The following PTPRR variants were observed in gnomAD, a reference collection of about 807,000 sequenced individuals.
PTPRR encodes the protein protein tyrosine phosphatase receptor type R.
PTPRR carries 38 observed loss-of-function variants against 77.2 expected under a neutral mutation model. The ratio of observed to expected loss-of-function variants is 0.49; its 90% CI spans 0.38 to 0.65. The LOEUF (loss-of-function observed/expected upper bound fraction) is 0.65. Among genes scored for constraint, PTPRR ranks in the 30% least tolerant of loss-of-function variants. The pLI is 0.00. For missense variants in PTPRR, 744 were observed against 799.2 expected (o/e 0.93, Z 0.83); for synonymous variants, 299 against 283.1 (o/e 1.06, Z -0.57).
intron 2 of PTPRR, among the ~76,000 whole-genome samples, chr12:70,885,997 C>G (rs1893233923): frequency 6.6e-6 from 1 of 152,142 alleles, no homozygotes; most frequent in Non-Finnish European, 1.5e-5. Flanking sequence ...TCAATTAAAC[C>G]AGCTCTCTTA....
chr12:70,666,027 T>C (rs921228239), intron 10 of PTPRR, among the ~76,000 whole-genome samples: 4 of 152,208 alleles, frequency 2.6e-5, no homozygotes, highest in African/African-American at 9.7e-5. Context: ...TCCGATGGAA[T>C]ATTACTGACA....
chr12:70,866,023 A>G (rs771216617), intron 2 of PTPRR, among the ~76,000 whole-genome samples: 3 of 152,098 alleles, frequency 2.0e-5, no homozygotes, highest in Non-Finnish European at 4.4e-5. Context: ...TCTCTGGGAC[A>G]CATTCAAAGC....
chr12:70,684,749 A>G lies in PTPRR; in HGVS notation c.1314T>C (p.Asn438=), dbSNP rs1887797219. Residue 438 remains asparagine (N), a synonymous_variant, in exon 9 of 14, where the codon AAT becomes AAC. Coordinates refer to ENST00000283228, the MANE Select transcript of PTPRR (RefSeq NM_002849.4). ...PLSRVCLRPK[N]VTDSLSTYIN... ...TGTAGGTGCTCAATGAATCGGTTAC[A>G]TTTTTTGGTCTTAAACACACTCTGC... 1 of 1,607,460 alleles carries G rather than the reference A, an allele frequency of 6.2e-7. No homozygotes were observed. Among genetic ancestry groups the G allele is most frequent in the Non-Finnish European group, 8.5e-7 (1 of 1,175,434 alleles).
At chr12:70,837,314 C>G (rs1344873793) in intron 2 of PTPRR, among the ~76,000 whole-genome samples, 3 of 152,080 alleles carry the variant, frequency 2.0e-5, no homozygotes, top group African/African-American at 7.2e-5. Flanking sequence ...TTTTCTATTT[C>G]TTATATTTCA....
At chr12:70,919,526 G>A (rs1426778153) in intron 1 of PTPRR, among the ~76,000 whole-genome samples, 2 of 152,060 alleles carry the variant, frequency 1.3e-5, no homozygotes, top group Non-Finnish European at 2.9e-5. Flanking sequence ...CCCAAGGTTT[G>A]CTTCCTCACG....
At chr12:70,682,294 C>T (rs985089031) in intron 10 of PTPRR, among the ~76,000 whole-genome samples, 4 of 151,906 alleles carry the variant, frequency 2.6e-5, no homozygotes, top group African/African-American at 7.2e-5. Context: ...CCGCCCGCCT[C>T]GGCCTCCCAA....
At chr12:70,730,271 G>A (rs1300460841) in intron 6 of PTPRR, among the ~76,000 whole-genome samples, 1 of 152,214 alleles carries the variant, frequency 6.6e-6, no homozygotes, top group African/African-American at 2.4e-5. Flanking sequence ...AACACTTTGG[G>A]AGGCCAAGGC....
intron 6 of PTPRR, among the ~76,000 whole-genome samples, chr12:70,744,587 T>C (rs773252012): frequency 6.7e-4 from 102 of 152,350 alleles, no homozygotes; most frequent in Non-Finnish European, 1.5e-4. Flanking sequence ...TTTTGTATTC[T>C]GCAGTTCTTA....
At chr12:70,691,261 T>A (rs953358976) in intron 8 of PTPRR, among the ~76,000 whole-genome samples, 1 of 152,174 alleles carries the variant, frequency 6.6e-6, no homozygotes, top group African/African-American at 2.4e-5. Flanking sequence ...ATTGTGGTAT[T>A]TTTGTTCATG....
chr12:70,906,140 A>G (rs1893617919), intron 1 of PTPRR, among the ~76,000 whole-genome samples: 1 of 152,030 alleles, frequency 6.6e-6, no homozygotes, highest in Non-Finnish European at 1.5e-5. Context: ...TAAGAAATAA[A>G]GGAAGGACCT....
chr12:70,685,985 C>T (rs1046171432), intron 8 of PTPRR, among the ~76,000 whole-genome samples: 1 of 152,206 alleles, frequency 6.6e-6, no homozygotes, highest in Non-Finnish European at 1.5e-5. Context: ...CTACGCTGTG[C>T]TGCAGCTCTC....
intron 6 of PTPRR, among the ~76,000 whole-genome samples, chr12:70,733,652 T>C (rs1468885717): frequency 1.3e-5 from 2 of 152,198 alleles, no homozygotes; most frequent in Non-Finnish European, 2.9e-5. Flanking sequence ...GTTTAGATTG[T>C]ACCCAGATAA....
rs191277407 is a variant in PTPRR, at chr12:70,749,848, T to C, written c.739-3762A>G. On this transcript the variant is annotated intron_variant, in intron 5 of 13. Coordinates refer to ENST00000283228, the MANE Select transcript of PTPRR (RefSeq NM_002849.4). The stretch of plus-strand genomic sequence containing the variant: ...AGAAGCAATCTGGCCTGTAGACATC[T>C]CTAGCTATATTTCATAAATGTCTTT... Among the ~76,000 whole-genome samples, 4 of 152,344 alleles carry C rather than the reference T, an allele frequency of 2.6e-5. No homozygotes were observed. In the East Asian group the frequency reaches 7.7e-4, roughly 29 times the overall value.
At chr12:70,781,492 G>A (rs970780090) in intron 2 of PTPRR, among the ~76,000 whole-genome samples, 1 of 152,122 alleles carries the variant, frequency 6.6e-6, no homozygotes, top group African/African-American at 2.4e-5. Flanking sequence ...GCATTGGGAG[G>A]GCATGTGATC....
intron 2 of PTPRR, among the ~76,000 whole-genome samples, chr12:70,801,276 T>C (rs1188453249): frequency 6.6e-6 from 1 of 152,216 alleles, no homozygotes; most frequent in East Asian, 1.9e-4. Flanking sequence ...TTGGCTGGGC[T>C]ATGGGGTACC....
chr12:70,824,376 G>A lies in PTPRR; in HGVS notation c.358-59598C>T, dbSNP rs543085631. Among the ~76,000 whole-genome samples, 4 of 152,088 alleles carry A rather than the reference G, an allele frequency of 2.6e-5. No individual in the cohort carries two copies. In the East Asian group the frequency reaches 7.7e-4, roughly 29 times the overall value. On this transcript the variant is annotated intron_variant, in intron 2 of 13. Transcript: ENST00000283228. ...TCAGAGGAATACATAATTTTGAGCAGGACAATCCTTTAATTTTTTTTTAAA... is the reference window on the plus strand; with the variant it reads ...TCAGAGGAATACATAATTTTGAGCAAGACAATCCTTTAATTTTTTTTTAAA...
At chr12:70,754,065 A>G in intron 5 of PTPRR, 126 bp downstream of exon 5, 1 of 895,760 alleles carries the variant, frequency 1.1e-6, no homozygotes, top group Non-Finnish European at 1.7e-6. Context: ...AATATTCCTA[A>G]TCTAGCAGGA....
At chr12:70,765,257 C>A (rs1890789047) in intron 2 of PTPRR, among the ~76,000 whole-genome samples, 1 of 152,152 alleles carries the variant, frequency 6.6e-6, no homozygotes, top group African/African-American at 2.4e-5. Flanking sequence ...CTTTCCTATT[C>A]AAAGAAAGGG....
chr12:70,753,275 C>G (rs7308349), intron 5 of PTPRR, among the ~76,000 whole-genome samples: 2 of 151,976 alleles, frequency 1.3e-5, no homozygotes, highest in Non-Finnish European at 2.9e-5. Flanking sequence ...TAAACAAAAT[C>G]CAATAAAACA....
Sources: gnomAD v4.1 joint callset for allele counts (sites outside exome capture counted in the v4.1 genomes callset) on GRCh38, gnomAD v4.1.1 for gene constraint, MANE v1.5 for transcripts, NCBI Gene and HGNC (gene_info 2026-07-23, HGNC 2026-07-21) for gene names.